RIC1: variants seen among roughly 807,000 people sequenced by gnomAD.
RIC1 encodes RIC1 partner of RAB6A GEF complex.
Under a neutral mutation model 169.0 loss-of-function variants are expected in RIC1, and 88 were observed. That is an observed-to-expected ratio of 0.52 (90% CI 0.44 to 0.62). The LOEUF (loss-of-function observed/expected upper bound fraction) is 0.62. RIC1 is among the 20% of genes least tolerant of loss of function. The pLI is 0.00. For synonymous variants in RIC1, 790 were observed against 601.5 expected, an observed-to-expected ratio of 1.31 and a Z score of -4.59; for missense variants, 1,877 against 1,725.5, an observed-to-expected ratio of 1.09 and a Z score of -1.56.
At chr9:5,731,865 C>T (rs1824387600) in intron 6 of RIC1, among the ~76,000 whole-genome samples, 1 of 152,100 alleles carries the variant, frequency 6.6e-6, no homozygotes, top group Admixed American at 6.5e-5. Flanking sequence ...CAGTCCTGAG[C>T]TGTCAGGCTT....
chr9:5,747,435 T>C lies in RIC1; in HGVS notation c.1382T>C (p.Phe461Ser), dbSNP rs1825446103. The C allele has an allele frequency of 2.5e-6, 4 of 1,613,986 alleles. No homozygotes were observed. Among genetic ancestry groups the C allele is most frequent in the South Asian group, 1.1e-5 (1 of 91,086 alleles). Reference sequence around the variant, plus strand: ...AAGCCCAGTCGAGAAAAGAGCCCATTTGCAGATGGAGGTTTAGAGTCTCAG... The same window carrying C: ...AAGCCCAGTCGAGAAAAGAGCCCATCTGCAGATGGAGGTTTAGAGTCTCAG... The part of the protein sequence containing the change: ...EHKPSREKSP[F>S]ADGGLESQGL... The change falls in exon 12 of 26, where the codon TTT becomes TCT. Residue 461 changes from phenylalanine (F) to serine (S), a missense_variant. Coordinates refer to ENST00000414202, the MANE Select transcript of RIC1 (RefSeq NM_020829.4).
chr9:5,753,533 C>A lies in RIC1; in HGVS notation c.1492-3C>A. 3.2e-6 allele frequency: 5 copies of A among 1,558,014 alleles called. No homozygotes were observed. The highest frequency in any genetic ancestry group is 4.4e-6 in the Non-Finnish European group (5 of 1,145,986). On this transcript the variant is annotated splice_polypyrimidine_tract_variant and splice_region_variant and intron_variant, in intron 13 of 25. Coordinates refer to ENST00000414202, the MANE Select transcript of RIC1 (RefSeq NM_020829.4). Reference sequence around the variant, plus strand: ...AAAAGTTCTTATTTTTTTTTTTAAACAGTTTTCAGCTATTGATAAGCTTGG... The same window carrying A: ...AAAAGTTCTTATTTTTTTTTTTAAAAAGTTTTCAGCTATTGATAAGCTTGG...
intron 2 of RIC1, among the ~76,000 whole-genome samples, chr9:5,680,615 G>T (rs1820760420): frequency 6.6e-6 from 1 of 152,080 alleles, no homozygotes; most frequent in African/African-American, 2.4e-5. Context: ...ATTTCTTCTA[G>T]ATTTTCTAGT....
In RIC1 at chr9:5,763,211, A is replaced by G. The variant is rs1230203957; in HGVS notation, c.2184A>G (p.Lys728=). ...TCTGGACAACGTGTCGAGCAAATAA[A>G]CAGAAACGTCACCTTCTGGAGGCCC... is the stretch of plus-strand genomic sequence containing the variant. The part of the protein sequence containing the change: ...ENVWTTCRAN[K]QKRHLLEALW... The change falls in exon 19 of 26, where the codon AAA becomes AAG. Residue 728 remains lysine (K), a synonymous_variant. Coordinates refer to ENST00000414202, the MANE Select transcript of RIC1 (RefSeq NM_020829.4). This position sits in a 1 kb window ranked among gnomAD's most constrained non-coding sequence, Gnocchi z 5.2. 3 of 1,613,976 alleles carry G rather than the reference A, an allele frequency of 1.9e-6. No homozygotes were observed. The highest frequency in any genetic ancestry group is 1.3e-5 in the African/African-American group (1 of 74,900).
intron 2 of RIC1, among the ~76,000 whole-genome samples, chr9:5,674,587 GCTGATAACTA>G (rs1421791031): frequency 6.6e-6 from 1 of 152,190 alleles, no homozygotes; most frequent in Non-Finnish European, 1.5e-5. Flanking sequence ...TTGTTCCTGA[GCTGATAACTA>G]CAGATAAAAG....
intron 2 of RIC1, among the ~76,000 whole-genome samples, chr9:5,682,985 T>C (rs1044223450): frequency 4.6e-5 from 7 of 152,352 alleles, no homozygotes; most frequent in African/African-American, 1.7e-4. Context: ...ATTCGTCACG[T>C]AGTTCTCGTG....
intron 21 of RIC1, among the ~76,000 whole-genome samples, chr9:5,766,325 G>C (rs1356347420): frequency 6.6e-6 from 1 of 152,168 alleles, no homozygotes; most frequent in African/African-American, 2.4e-5. Flanking sequence ...ACAAGCGTGA[G>C]CCACCCTACC....
intron 2 of RIC1, among the ~76,000 whole-genome samples, chr9:5,688,991 A>T (rs764481801): frequency 6.6e-6 from 1 of 151,360 alleles, no homozygotes; most frequent in Non-Finnish European, 1.5e-5. Context: ...TATGTATGTC[A>T]TGACGCAGAT....
chr9:5,704,556 A>G (rs983032044), intron 3 of RIC1, among the ~76,000 whole-genome samples: 1 of 152,132 alleles, frequency 6.6e-6, no homozygotes, highest in Non-Finnish European at 1.5e-5. Flanking sequence ...AGTTATAAGA[A>G]TTATTTATAT....
intron 6 of RIC1, among the ~76,000 whole-genome samples, chr9:5,722,008 C>G (rs1021780186): frequency 1.3e-5 from 2 of 151,922 alleles, no homozygotes; most frequent in African/African-American, 4.8e-5. Context: ...CCTGCTTCAG[C>G]CTCCCGAGTT....
chr9:5,641,154 C>A (rs1818219343), intron 1 of RIC1, among the ~76,000 whole-genome samples: 1 of 149,904 alleles, frequency 6.7e-6, no homozygotes, highest in Non-Finnish European at 1.5e-5. Context: ...TGCAGTGGTG[C>A]CATCTCAGCT....
intron 2 of RIC1, among the ~76,000 whole-genome samples, chr9:5,686,789 AG>A (rs925765893): frequency 7.3e-5 from 11 of 151,634 alleles, no homozygotes; most frequent in African/African-American, 2.7e-4. Context: ...ATAAAAAAAA[AG>A]AATATGTTAA....
In RIC1 at chr9:5,741,709, A is replaced by G. The variant is rs146443839; in HGVS notation, c.902-1160A>G. On this transcript the variant is annotated intron_variant, in intron 8 of 25. Coordinates refer to ENST00000414202, the MANE Select transcript of RIC1 (RefSeq NM_020829.4). ...GTCTTCTCCTTTATTTTCATTGGCT[A>G]TAAAAAGCAGTTATTTTATATTCTG... Among the ~76,000 whole-genome samples the G allele has an allele frequency of 7.8e-3, 1,181 of 152,218 alleles. 12 individuals carry two copies. Among genetic ancestry groups the G allele is most frequent in the African/African-American group, 0.028 (1,143 of 41,528 alleles).
chr9:5,689,247 T>G (rs1821451586), intron 2 of RIC1, among the ~76,000 whole-genome samples: 1 of 151,962 alleles, frequency 6.6e-6, no homozygotes, highest in Non-Finnish European at 1.5e-5. Context: ...GAGACAGGGT[T>G]TCACCACGTT....
chr9:5,689,111 C>T (rs569758219), intron 2 of RIC1, among the ~76,000 whole-genome samples: 12 of 137,034 alleles, frequency 8.8e-5, no homozygotes, highest in Admixed American at 1.6e-4. Context: ...TGCAGTGGCG[C>T]GATCTTAGCT....
At chr9:5,672,325 G>A in intron 2 of RIC1, among the ~76,000 whole-genome samples, 1 of 152,152 alleles carries the variant, frequency 6.6e-6, no homozygotes, top group East Asian at 1.9e-4. Context: ...TCCTATTGAT[G>A]AGCCACAGGG....
intron 22 of RIC1, 34 bp downstream of exon 22, chr9:5,769,290 A>G (rs769073062): frequency 4.3e-6 from 7 of 1,613,514 alleles, no homozygotes; most frequent in African/African-American, 4.0e-5. Flanking sequence ...GTACAAGGAG[A>G]ATTGTATTTT....
chr9:5,686,244 A>C (rs2130683747), intron 2 of RIC1, among the ~76,000 whole-genome samples: 1 of 151,918 alleles, frequency 6.6e-6, no homozygotes, highest in Non-Finnish European at 1.5e-5. Flanking sequence ...CTAGAACTAG[A>C]AATACCATTT....
intron 1 of RIC1, among the ~76,000 whole-genome samples, chr9:5,647,950 G>GTGGTGGTGGTGGTGGTGGTGGTGGTGA (rs1563866949): frequency 7.7e-6 from 1 of 129,862 alleles, no homozygotes; most frequent in African/African-American, 3.2e-5. Context: ...GGTGGTGGTG[G>GTGGTGGTGGTGGTGGTGGTGGTGGTGA]TGGTGGTGGT....
Sources: gnomAD v4.1 joint callset for allele counts (sites outside exome capture counted in the v4.1 genomes callset) on GRCh38, gnomAD v4.1.1 for gene constraint, Gnocchi (gnomAD v3.1) non-coding constraint, MANE v1.5 for transcripts, NCBI Gene and HGNC (gene_info 2026-07-23, HGNC 2026-07-21) for gene names.